The following RABGAP1L variants were observed in gnomAD, a reference collection of about 807,000 sequenced individuals.
The protein encoded by RABGAP1L is rab GTPase-activating protein 1-like.
A neutral mutation model predicts 137.7 loss-of-function variants in RABGAP1L; 63 were observed. The ratio of observed to expected loss-of-function variants is 0.46; its 90% CI spans 0.37 to 0.56. The LOEUF is 0.56. Ranked by LOEUF, RABGAP1L falls within the 20% of genes least tolerant of loss-of-function variation. The probability of loss-of-function intolerance (pLI) is 0.00; values close to 1 mark genes in which losing one functional copy is unlikely to be tolerated. For missense variants in RABGAP1L, 1,095 were observed against 1,244.0 expected, an observed-to-expected ratio of 0.88 and a Z score of 1.80; for synonymous variants, 431 against 433.7, an observed-to-expected ratio of 0.99 and a Z score of 0.08.
intron 15 of RABGAP1L, among the ~76,000 whole-genome samples, chr1:174,691,491 A>G (rs1156255046): frequency 1.3e-5 from 2 of 152,206 alleles, no homozygotes; most frequent in Non-Finnish European, 2.9e-5. Context: ...ACATCACTCA[A>G]TTCTCAATTA....
At chr1:174,312,671 T>G (rs112292823) in intron 11 of RABGAP1L, among the ~76,000 whole-genome samples, 7 of 152,312 alleles carry the variant, frequency 4.6e-5, no homozygotes, top group African/African-American at 1.7e-4. Context: ...CATGAAATTT[T>G]TGCCTAGACC....
intron 13 of RABGAP1L, among the ~76,000 whole-genome samples, chr1:174,636,365 C>A (rs1346136247): frequency 1.3e-5 from 2 of 151,836 alleles, no homozygotes; most frequent in Non-Finnish European, 2.9e-5. Context: ...TAAAAATACA[C>A]ACACACAAAA....
Position 174,699,571 on chromosome 1 carries a change from A to G in RABGAP1L, c.1946A>G (p.Asp649Gly). The G allele has an allele frequency of 1.2e-6, 2 of 1,611,976 alleles. No homozygotes were observed. The highest frequency in any genetic ancestry group is 1.7e-6 in the Non-Finnish European group (2 of 1,178,146). ...TGTGTTTTGGTGAAAATCATGTACG[A>G]CTATGGTTTGAGAGACCTCTACAGA... ...AFCVLVKIMY[D>G]YGLRDLYRNN... The change falls in exon 16 of 26, where the codon GAC becomes GGC. Residue 649 changes from aspartate (D) to glycine (G), a missense_variant. Asp to Gly is a moderately conservative substitution (Grantham distance 94). Transcript: ENST00000681986.
chr1:174,675,346 A>C (rs1677532330), intron 14 of RABGAP1L, among the ~76,000 whole-genome samples: 1 of 151,984 alleles, frequency 6.6e-6, no homozygotes, highest in Non-Finnish European at 1.5e-5. Flanking sequence ...TAAATAGGGA[A>C]TCCTTTCCCC....
intron 19 of RABGAP1L, among the ~76,000 whole-genome samples, chr1:174,852,028 A>G (rs1475670310): frequency 6.6e-6 from 1 of 152,218 alleles, no homozygotes; most frequent in African/African-American, 2.4e-5. Flanking sequence ...AAGACTGAAT[A>G]AAGGTAGTTT....
intron 13 of RABGAP1L, among the ~76,000 whole-genome samples, chr1:174,501,729 A>T (rs1661294012): frequency 6.6e-6 from 1 of 152,116 alleles, no homozygotes; most frequent in African/African-American, 2.4e-5. Context: ...CTTTTTATTA[A>T]CATTTTTTTA....
intron 13 of RABGAP1L, among the ~76,000 whole-genome samples, chr1:174,552,530 T>C (rs1309799241): frequency 6.6e-6 from 1 of 152,090 alleles, no homozygotes; most frequent in Non-Finnish European, 1.5e-5. Context: ...TGTATAGTAT[T>C]CCATGGTGTA....
chr1:174,434,333 T>C (rs1653014614), intron 13 of RABGAP1L, among the ~76,000 whole-genome samples: 1 of 152,224 alleles, frequency 6.6e-6, no homozygotes, highest in Non-Finnish European at 1.5e-5. Flanking sequence ...CTATATTTCA[T>C]TGTATGGAAA....
chr1:174,877,392 G>A (rs1259009088), intron 19 of RABGAP1L: 19 of 1,568,442 alleles, frequency 1.2e-5, no homozygotes, highest in East Asian at 2.3e-5. Context: ...TCGAACTCAG[G>A]TGGGTGTGTA....
intron 14 of RABGAP1L, among the ~76,000 whole-genome samples, chr1:174,647,895 G>A (rs1675118703): frequency 6.6e-6 from 1 of 152,058 alleles, no homozygotes; most frequent in South Asian, 2.1e-4. Context: ...CTTGTTATTG[G>A]TCTATTCAGG....
At chr1:174,456,622 A>G (rs1050128677) in intron 13 of RABGAP1L, among the ~76,000 whole-genome samples, 2 of 152,094 alleles carry the variant, frequency 1.3e-5, no homozygotes, top group East Asian at 3.8e-4. Flanking sequence ...AAAACCTTTT[A>G]AATAAGTAAT....
chr1:174,943,351 C>T (rs1275715043), intron 19 of RABGAP1L, among the ~76,000 whole-genome samples: 17 of 152,182 alleles, frequency 1.1e-4, no homozygotes, highest in Admixed American at 1.0e-3. Context: ...TTCCCTGTGC[C>T]TGGAACACCC....
intron 10 of RABGAP1L, among the ~76,000 whole-genome samples, chr1:174,303,641 A>C (rs1677933060): frequency 6.6e-6 from 1 of 152,156 alleles, no homozygotes; most frequent in African/African-American, 2.4e-5. Flanking sequence ...AAATATGTGA[A>C]TATTGGGAAC....
chr1:174,298,319 A>G (rs1677323289), intron 10 of RABGAP1L, among the ~76,000 whole-genome samples: 1 of 152,044 alleles, frequency 6.6e-6, no homozygotes, highest in Non-Finnish European at 1.5e-5. Flanking sequence ...AAGCAGGGGG[A>G]CCTGAGAATT....
intron 13 of RABGAP1L, chr1:174,449,178 C>T: frequency 6.2e-7 from 1 of 1,600,094 alleles, no homozygotes; most frequent in Non-Finnish European, 8.5e-7. Context: ...AGGAAACGGG[C>T]TAATTCTTGC....
intron 1 of RABGAP1L, among the ~76,000 whole-genome samples, chr1:174,211,914 A>G (rs1287160326): frequency 6.6e-6 from 1 of 152,194 alleles, no homozygotes; most frequent in Admixed American, 6.5e-5. Flanking sequence ...TAAAAGGTCA[A>G]TTCAGCAAGA....
chr1:174,800,850 G>T (rs1688700082), intron 18 of RABGAP1L, among the ~76,000 whole-genome samples: 1 of 152,108 alleles, frequency 6.6e-6, no homozygotes, highest in African/African-American at 2.4e-5. Flanking sequence ...ATCTCCAAAG[G>T]GTTAAATTTT....
chr1:174,224,659 C>A (rs776790839), intron 3 of RABGAP1L, among the ~76,000 whole-genome samples: 4 of 151,458 alleles, frequency 2.6e-5, no homozygotes, highest in Non-Finnish European at 5.9e-5. Context: ...GTATTAATAT[C>A]CTCTCATTCC....
At chr1:174,822,134 G>T (rs1455948306) in intron 19 of RABGAP1L, among the ~76,000 whole-genome samples, 1 of 152,134 alleles carries the variant, frequency 6.6e-6, no homozygotes, top group African/African-American at 2.4e-5. Context: ...GGTGGCGCAC[G>T]CCTGTAGTCC....
Sources: allele counts gnomAD v4.1 joint callset (sites outside exome capture counted in the v4.1 genomes callset), GRCh38; gene constraint gnomAD v4.1.1; transcripts MANE v1.5; gene names NCBI Gene and HGNC (gene_info 2026-07-23, HGNC 2026-07-21).